The following SND1 variants were observed in gnomAD, a reference collection of about 807,000 sequenced individuals.
The protein encoded by SND1 is staphylococcal nuclease and tudor domain containing 1.
A neutral mutation model predicts 121.7 loss-of-function variants in SND1; 38 were observed. The observed-to-expected ratio is 0.31, with a 90% confidence interval of 0.24 to 0.41. The LOEUF (loss-of-function observed/expected upper bound fraction) is 0.41, where lower values mean the gene tolerates loss of function less well. Among genes scored for constraint, SND1 ranks in the 10% least tolerant of loss-of-function variants. SND1 has a pLI of 1.00. For synonymous variants in SND1, 401 were observed against 447.4 expected, an observed-to-expected ratio of 0.90 and a Z score of 1.31; for missense variants, 868 against 1,184.6, an observed-to-expected ratio of 0.73 and a Z score of 3.92.
At chr7:127,992,699 T>C (rs1235501823) in intron 16 of SND1, among the ~76,000 whole-genome samples, 3 of 152,212 alleles carry the variant, frequency 2.0e-5, no homozygotes, top group Non-Finnish European at 4.4e-5. Flanking sequence ...TCCCATTCTT[T>C]TTCAACTGTC....
At chr7:127,692,987 A>T (rs1795947560) in intron 2 of SND1, among the ~76,000 whole-genome samples, 1 of 152,222 alleles carries the variant, frequency 6.6e-6, no homozygotes. Context: ...AAGTGTTTTC[A>T]CCAAAGTCTT....
Position 128,085,513 on chromosome 7 carries a change from C to A in SND1, c.2235-198C>A, listed in dbSNP as rs980978838. On this transcript the variant is annotated intron_variant, in intron 19 of 23. Coordinates refer to ENST00000354725, the MANE Select transcript of SND1 (RefSeq NM_014390.4). The surrounding 1 kb of genome is among the most constrained non-coding windows in gnomAD (Gnocchi z 4.4). ...ATGCTCCTTTCTCCCTCTTCTGCTC[C>A]CAGCTATGCTCTGATTCCATTAGGT... Among the ~76,000 whole-genome samples the A allele has an allele frequency of 6.6e-6, 1 of 152,192 alleles. No individual in the cohort carries two copies. Among genetic ancestry groups the A allele is most frequent in the Non-Finnish European group, 1.5e-5 (1 of 68,036 alleles).
intron 10 of SND1, among the ~76,000 whole-genome samples, chr7:127,797,217 A>G (rs1584580149): frequency 6.6e-6 from 1 of 152,068 alleles, no homozygotes; most frequent in African/African-American, 2.4e-5. Flanking sequence ...TTAAGAGGAA[A>G]CCGAGGCAAG....
intron 15 of SND1, among the ~76,000 whole-genome samples, chr7:127,953,852 C>A (rs1801527374): frequency 6.6e-6 from 1 of 152,114 alleles, no homozygotes; most frequent in Non-Finnish European, 1.5e-5. Flanking sequence ...TTAGCCTTTT[C>A]ACGGTTCCTC....
chr7:127,844,410 C>T lies in SND1; in HGVS notation c.1329C>T (p.Val443=). The change falls in exon 12 of 24, where the codon GTC becomes GTT. Residue 443 remains valine (V), a synonymous_variant. Coordinates refer to ENST00000354725, the MANE Select transcript of SND1 (RefSeq NM_014390.4). ...TTTCAGAGCGTACCTGTGCCACTGT[C>T]ACCATTGGAGGAATGTGAGTGTTCT... ...PAFSERTCAT[V]TIGGINIAEA... The T allele has an allele frequency of 6.2e-7, 1 of 1,613,096 alleles. No homozygotes were observed. The highest frequency in any genetic ancestry group is 8.5e-7 in the Non-Finnish European group (1 of 1,179,466).
At chr7:127,805,609 C>T (rs1301519728) in intron 10 of SND1, among the ~76,000 whole-genome samples, 3 of 152,142 alleles carry the variant, frequency 2.0e-5, no homozygotes, top group African/African-American at 7.2e-5. Context: ...TAGTTTGCAT[C>T]GAGGAGGAAG....
rs778933443 is a variant in SND1 at position 128,052,513 on chromosome 7, T to G, written c.1780-21989T>G. Among the ~76,000 whole-genome samples the G allele has an allele frequency of 6.6e-6, 1 of 152,070 alleles. No individual in the cohort carries two copies. The highest frequency in any genetic ancestry group is 1.5e-5 in the Non-Finnish European group (1 of 68,006). On this transcript the variant is annotated intron_variant, in intron 16 of 23. Transcript: ENST00000354725. This position sits in a 1 kb window ranked among gnomAD's most constrained non-coding sequence, Gnocchi z 4.6. ...TCCTAGCAGCATCTGCTGAAAGGGG[T>G]GTAGTCATCCTGGCCCCAGACAGAG...
rs1208202459 is a variant in SND1 at position 127,707,141 on chromosome 7, TCTTATATATAGGATTTGGTAG to T, written c.948-413_948-393del. ...AGATGCACTGTCATGACAGTTTTCTTCTTATATATAGGATTTGGTAGCTGGTAACCTTTTTGTAATTCAGAT... is the reference window on the plus strand; with the variant it reads ...AGATGCACTGTCATGACAGTTTTCTTCTGGTAACCTTTTTGTAATTCAGAT... On this transcript the variant is annotated intron_variant, in intron 8 of 23. Coordinates refer to ENST00000354725, the MANE Select transcript of SND1 (RefSeq NM_014390.4). 2.6e-5 allele frequency among the ~76,000 whole-genome samples: 4 copies of T among 152,354 alleles called. No individual in the cohort carries two copies. The East Asian group carries it at 5.8e-4, about 22-fold the overall frequency.
At chr7:127,957,436 A>G (rs957299006) in intron 15 of SND1, among the ~76,000 whole-genome samples, 1 of 152,136 alleles carries the variant, frequency 6.6e-6, no homozygotes, top group Non-Finnish European at 1.5e-5. Flanking sequence ...TGCTGCTTCC[A>G]CAACTGCCAT....
At chr7:127,792,488 T>C (rs1031560895) in intron 10 of SND1, among the ~76,000 whole-genome samples, 1 of 152,156 alleles carries the variant, frequency 6.6e-6, no homozygotes, top group African/African-American at 2.4e-5. Flanking sequence ...ATTAGCTAGA[T>C]ATGGGAATAC....
intron 22 of SND1, among the ~76,000 whole-genome samples, chr7:128,090,098 G>A (rs1327552118): frequency 1.3e-5 from 2 of 152,150 alleles, no homozygotes; most frequent in Non-Finnish European, 1.5e-5. Flanking sequence ...GAGCTGTCGA[G>A]GAGGCAGCAC....
rs899296748 is a variant in SND1, at chr7:127,844,361, C to T, written c.1280C>T (p.Pro427Leu). 1.2e-6 allele frequency: 2 copies of T among 1,613,524 alleles called. No individual in the cohort carries two copies. The highest frequency in any genetic ancestry group is 1.3e-5 in the African/African-American group (1 of 74,880). Residue 427 changes from proline (P) to leucine (L), a missense_variant, in exon 12 of 24, where the codon CCA becomes CTA. Pro to Leu is a moderately conservative substitution (Grantham distance 98). Coordinates refer to ENST00000354725, the MANE Select transcript of SND1 (RefSeq NM_014390.4). ...VTVDYIRPAS[P>L]ATETVPAFSE... ...GTGGACTACATTAGACCAGCCAGCC[C>T]AGCCACAGAGACAGTGCCTGCCTTT...
chr7:127,811,933 T>TTA (rs1798342009), intron 11 of SND1, among the ~76,000 whole-genome samples: 1 of 152,194 alleles, frequency 6.6e-6, no homozygotes, highest in South Asian at 2.1e-4. Flanking sequence ...AGAATGCCGA[T>TTA]TATATCTTCA....
chr7:127,901,034 C>T (rs1800221754), intron 13 of SND1, among the ~76,000 whole-genome samples: 1 of 152,102 alleles, frequency 6.6e-6, no homozygotes, highest in South Asian at 2.1e-4. Flanking sequence ...GTGGCTGAGG[C>T]CAACAGGGAA....
At chr7:127,897,829 A>G (rs1470214712) in intron 13 of SND1, among the ~76,000 whole-genome samples, 2 of 152,164 alleles carry the variant, frequency 1.3e-5, no homozygotes, top group East Asian at 1.9e-4. Flanking sequence ...GTGGTACTTA[A>G]ACGGTGTTTT....
At chr7:127,784,516 A>G (rs1305600878) in intron 10 of SND1, among the ~76,000 whole-genome samples, 2 of 152,236 alleles carry the variant, frequency 1.3e-5, no homozygotes, top group Non-Finnish European at 2.9e-5. Context: ...TTAAAGAACA[A>G]CTAATTCTGA....
At chr7:127,875,464 A>G (rs1799671293) in intron 12 of SND1, among the ~76,000 whole-genome samples, 10 of 152,166 alleles carry the variant, frequency 6.6e-5, no homozygotes, top group Admixed American at 5.9e-4. Flanking sequence ...TAAAGCAGAA[A>G]GTTGGAAGGG....
chr7:127,721,235 A>G (rs1796490493), intron 9 of SND1, 52 bp from the exon 10 acceptor site: 1 of 1,258,362 alleles, frequency 7.9e-7, no homozygotes, highest in South Asian at 1.2e-5. Flanking sequence ...GCTCTTGGAC[A>G]TGTGATGGGG....
At chr7:127,672,100 ATATAT>A (rs763213289) in intron 1 of SND1, among the ~76,000 whole-genome samples, 1 of 152,196 alleles carries the variant, frequency 6.6e-6, no homozygotes, top group Non-Finnish European at 1.5e-5. Context: ...GGGGTTACAA[ATATAT>A]TATAGTGAGT....
Sources: gnomAD v4.1 joint callset for allele counts (sites outside exome capture counted in the v4.1 genomes callset) on GRCh38, gnomAD v4.1.1 for gene constraint, Gnocchi (gnomAD v3.1) non-coding constraint, MANE v1.5 for transcripts, NCBI Gene and HGNC (gene_info 2026-07-23, HGNC 2026-07-21) for gene names.